TENM3: variants seen among roughly 807,000 people sequenced by gnomAD.
TENM3 encodes the protein teneurin-3.
A neutral mutation model predicts 255.1 loss-of-function variants in TENM3; 63 were observed. The observed-to-expected ratio is 0.25, with a 90% CI of 0.20 to 0.30. The LOEUF is 0.30. Among genes scored for constraint, TENM3 ranks in the 10% least tolerant of loss-of-function variants. The probability of loss-of-function intolerance (pLI) is 1.00; values close to 1 mark genes in which losing one functional copy is unlikely to be tolerated. For missense variants in TENM3, 2,929 were observed against 3,461.1 expected (o/e 0.85, Z 3.86); for synonymous variants, 1,306 against 1,322.3 (o/e 0.99, Z 0.27).
chr4:182,501,926 G>T (rs1736358448), intron 3 of TENM3, among the ~76,000 whole-genome samples: 1 of 151,994 alleles, frequency 6.6e-6, no homozygotes, highest in Non-Finnish European at 1.5e-5. Flanking sequence ...TCCTCTAAGG[G>T]AAGTAAATTT....
the TENM3 span, among the ~76,000 whole-genome samples, chr4:181,956,722 G>A: frequency 6.6e-6 from 1 of 152,160 alleles, no homozygotes; most frequent in Non-Finnish European, 1.5e-5. Context: ...TATTGGGGAG[G>A]TGATGAATGT....
the TENM3 span, among the ~76,000 whole-genome samples, chr4:181,666,422 C>T: frequency 6.6e-6 from 1 of 152,110 alleles, no homozygotes; most frequent in African/African-American, 2.4e-5. Context: ...GCAGCTTGTG[C>T]CCCCATTCCT....
At chr4:181,748,577 G>C in the TENM3 span, among the ~76,000 whole-genome samples, 1 of 152,054 alleles carries the variant, frequency 6.6e-6, no homozygotes, top group Admixed American at 6.6e-5. Flanking sequence ...GGTTTATACA[G>C]TAGCCAGAAG....
chr4:182,561,113 CAA>C (rs1743122376), intron 3 of TENM3, among the ~76,000 whole-genome samples: 1 of 151,244 alleles, frequency 6.6e-6, no homozygotes, highest in Admixed American at 6.6e-5. Context: ...ATTTAAAAAC[CAA>C]AGAGGATTTA....
At chr4:181,745,421 C>A in the TENM3 span, among the ~76,000 whole-genome samples, 17 of 152,114 alleles carry the variant, frequency 1.1e-4, no homozygotes, top group African/African-American at 3.9e-4. Context: ...AGGGAGAAAG[C>A]GTTTTTTAAA....
the TENM3 span, among the ~76,000 whole-genome samples, chr4:181,996,482 A>G: frequency 6.6e-6 from 1 of 152,198 alleles, no homozygotes; most frequent in Non-Finnish European, 1.5e-5. Context: ...AAAGAATGCC[A>G]GGACAGCTGA....
chr4:182,440,828 T>G (rs1471855808), intron 3 of TENM3, among the ~76,000 whole-genome samples: 1 of 152,126 alleles, frequency 6.6e-6, no homozygotes, highest in Non-Finnish European at 1.5e-5. Context: ...GAGGTTTTTT[T>G]TTTTTTCGAC....
intron 3 of TENM3, among the ~76,000 whole-genome samples, chr4:182,437,975 G>A (rs1428907785): frequency 6.6e-6 from 1 of 151,700 alleles, no homozygotes; most frequent in East Asian, 1.9e-4. Flanking sequence ...AATAAATAAA[G>A]CAACAGAAAA....
chr4:181,616,532 A>G, the TENM3 span, among the ~76,000 whole-genome samples: 3 of 150,996 alleles, frequency 2.0e-5, no homozygotes, highest in Non-Finnish European at 4.4e-5. Flanking sequence ...TCCATTATCC[A>G]TATAATACAT....
At chr4:182,319,030 A>C (rs553867652) in intron 1 of TENM3, among the ~76,000 whole-genome samples, 1 of 152,200 alleles carries the variant, frequency 6.6e-6, no homozygotes, top group East Asian at 1.9e-4. Context: ...AGCCTCCCAA[A>C]GTGCTGGGAT....
intron 3 of TENM3, among the ~76,000 whole-genome samples, chr4:182,554,170 A>G (rs900307634): frequency 6.6e-5 from 10 of 152,284 alleles, no homozygotes; most frequent in Non-Finnish European, 1.3e-4. Context: ...TCTGATGACC[A>G]GCTGAGTTTT....
chr4:181,903,608 C>T, the TENM3 span, among the ~76,000 whole-genome samples: 1,104 of 152,354 alleles, frequency 7.2e-3, 9 homozygotes, highest in Non-Finnish European at 0.01. Flanking sequence ...CTCCCTGTGT[C>T]TCAGTCTCAA....
the TENM3 span, among the ~76,000 whole-genome samples, chr4:182,008,199 T>C: frequency 3.3e-5 from 5 of 152,104 alleles, no homozygotes; most frequent in Admixed American, 2.0e-4. Context: ...TGATTATGTG[T>C]CTTGGGGTTG....
At chr4:181,508,892 CTTTTT>C in the TENM3 span, among the ~76,000 whole-genome samples, 41 of 53,812 alleles carry the variant, frequency 7.6e-4, no homozygotes, top group African/African-American at 2.6e-3. Flanking sequence ...ATTTCCAACA[CTTTTT>C]TTTTTTTTTT....
chr4:181,611,295 G>A, the TENM3 span, among the ~76,000 whole-genome samples: 3 of 152,280 alleles, frequency 2.0e-5, no homozygotes, highest in South Asian at 2.1e-4. Context: ...TCCTCTGGGC[G>A]TGCCGCAGAC....
intron 1 of TENM3, among the ~76,000 whole-genome samples, chr4:182,248,991 A>C (rs970351782): frequency 6.6e-6 from 1 of 152,248 alleles, no homozygotes; most frequent in South Asian, 2.1e-4. Flanking sequence ...ACTATGTGCC[A>C]GACCCTCCTC....
chr4:181,493,862 T>A, the TENM3 span, among the ~76,000 whole-genome samples: 1 of 152,166 alleles, frequency 6.6e-6, no homozygotes, highest in East Asian at 1.9e-4. Flanking sequence ...CTATTCAAGA[T>A]CTTTCTGCAG....
chr4:181,682,138 T>C, the TENM3 span, among the ~76,000 whole-genome samples: 1 of 152,176 alleles, frequency 6.6e-6, no homozygotes, highest in Non-Finnish European at 1.5e-5. Flanking sequence ...ACAATATAAT[T>C]GAAATCAACT....
intron 3 of TENM3, among the ~76,000 whole-genome samples, chr4:182,468,762 A>G (rs1275132917): frequency 6.8e-6 from 1 of 146,580 alleles, no homozygotes; most frequent in Admixed American, 6.9e-5. Flanking sequence ...TGTACCCATA[A>G]GTTCTTTCAT....
Sources: allele counts gnomAD v4.1 joint callset (sites outside exome capture counted in the v4.1 genomes callset), GRCh38; gene constraint gnomAD v4.1.1; transcripts MANE v1.5; gene names NCBI Gene and HGNC (gene_info 2026-07-23, HGNC 2026-07-21).